NAALADL2: variants seen among roughly 807,000 people sequenced by gnomAD.
NAALADL2 encodes the protein inactive N-acetylated-alpha-linked acidic dipeptidase-like protein 2.
A neutral mutation model predicts 87.2 loss-of-function variants in NAALADL2; 76 were observed. The ratio of observed to expected loss-of-function variants is 0.87; its 90% confidence interval spans 0.72 to 1.05. The LOEUF (loss-of-function observed/expected upper bound fraction) is 1.05. NAALADL2 is among the 50% of genes least tolerant of loss of function. The pLI is 0.00. For missense variants in NAALADL2, 1,089 were observed against 945.8 expected, an observed-to-expected ratio of 1.15 and a Z score of -1.99; for synonymous variants, 354 against 331.0, an observed-to-expected ratio of 1.07 and a Z score of -0.75.
intron 1 of NAALADL2, among the ~76,000 whole-genome samples, chr3:174,924,180 T>A (rs916608242): frequency 6.6e-6 from 1 of 151,560 alleles, no homozygotes; most frequent in African/African-American, 2.4e-5. Flanking sequence ...TCATTTACAT[T>A]AGGTATGTCT....
chr3:174,917,606 T>G (rs1220587778), intron 1 of NAALADL2, among the ~76,000 whole-genome samples: 31 of 152,138 alleles, frequency 2.0e-4, no homozygotes, highest in Admixed American at 1.8e-3. Flanking sequence ...TCTTGCCCAT[T>G]TCAAGTTGTT....
At chr3:174,736,984 A>G (rs921817683) in intron 2 of NAALADL2, among the ~76,000 whole-genome samples, 1 of 152,186 alleles carries the variant, frequency 6.6e-6, no homozygotes, top group African/African-American at 2.4e-5. Context: ...CCAGGTTGCA[A>G]CAATGTTCAA....
At chr3:175,708,808 CTT>C (rs2149993309) in intron 11 of NAALADL2, among the ~76,000 whole-genome samples, 1 of 147,134 alleles carries the variant, frequency 6.8e-6, no homozygotes, top group Non-Finnish European at 1.5e-5. Context: ...TTTCTCCTAC[CTT>C]TTATACCCAG....
At chr3:175,015,922 T>C (rs1279030001) in intron 1 of NAALADL2, among the ~76,000 whole-genome samples, 1 of 152,048 alleles carries the variant, frequency 6.6e-6, no homozygotes. Flanking sequence ...TTAACTTAAT[T>C]GTTAGTTTGT....
intron 4 of NAALADL2, among the ~76,000 whole-genome samples, chr3:175,296,503 C>T (rs1581301394): frequency 6.6e-6 from 1 of 152,220 alleles, no homozygotes; most frequent in African/African-American, 2.4e-5. Context: ...GCTTAAAAGC[C>T]ACCATTATAG....
chr3:174,831,116 C>T (rs1409572890), intron 3 of NAALADL2, among the ~76,000 whole-genome samples: 17 of 151,492 alleles, frequency 1.1e-4, no homozygotes, highest in African/African-American at 3.2e-4. Flanking sequence ...TCCTGCCTAA[C>T]TGCCCTGGCC....
chr3:175,026,974 T>G (rs1480051262), intron 1 of NAALADL2, among the ~76,000 whole-genome samples: 1 of 152,172 alleles, frequency 6.6e-6, no homozygotes, highest in Non-Finnish European at 1.5e-5. Flanking sequence ...ATACTCTGTA[T>G]ATGGCAACAA....
chr3:175,126,422 C>T (rs936477), intron 2 of NAALADL2, among the ~76,000 whole-genome samples: 85,943 of 151,942 alleles, frequency 0.57, 25,180 homozygotes, highest in African/African-American at 0.72. Context: ...TTGGCAATTT[C>T]ACTGATTTAG....
At chr3:175,316,542 T>G (rs890745047) in intron 4 of NAALADL2, among the ~76,000 whole-genome samples, 1 of 152,128 alleles carries the variant, frequency 6.6e-6, no homozygotes, top group African/African-American at 2.4e-5. Context: ...TTTTCAGGAA[T>G]TAGACCCCCA....
At chr3:175,467,615 A>T (rs1724279459) in intron 8 of NAALADL2, among the ~76,000 whole-genome samples, 1 of 152,168 alleles carries the variant, frequency 6.6e-6, no homozygotes, top group African/African-American at 2.4e-5. Context: ...TCTCTCTTCA[A>T]TATGGATATT....
At chr3:174,909,562 A>G (rs1013474542) in intron 1 of NAALADL2, among the ~76,000 whole-genome samples, 2 of 152,118 alleles carry the variant, frequency 1.3e-5, no homozygotes, top group Admixed American at 6.6e-5. Flanking sequence ...CCCTACTCCA[A>G]GATTTCTAAT....
chr3:175,651,682 CTAACCTTGACA>C (rs1730788207), intron 11 of NAALADL2, among the ~76,000 whole-genome samples: 1 of 152,186 alleles, frequency 6.6e-6, no homozygotes, highest in African/African-American at 2.4e-5. Flanking sequence ...ATAATGGAGA[CTAACCTTGACA>C]TAACATATAT....
chr3:174,615,247 A>G (rs1720340333), intron 2 of NAALADL2, among the ~76,000 whole-genome samples: 2 of 152,204 alleles, frequency 1.3e-5, no homozygotes, highest in African/African-American at 2.4e-5. Flanking sequence ...TACTTTTAAG[A>G]AAGACTGGGA....
intron 1 of NAALADL2, among the ~76,000 whole-genome samples, chr3:175,013,741 G>A (rs933025462): frequency 1.3e-5 from 2 of 151,940 alleles, no homozygotes; most frequent in East Asian, 1.9e-4. Flanking sequence ...ATCCAGAAGC[G>A]GCCCTTCTTT....
intron 1 of NAALADL2, among the ~76,000 whole-genome samples, chr3:174,874,431 T>C (rs1728222083): frequency 1.3e-5 from 2 of 152,186 alleles, no homozygotes; most frequent in South Asian, 4.1e-4. Flanking sequence ...TCCTGCCAAA[T>C]TGACAGGTTG....
intron 11 of NAALADL2, among the ~76,000 whole-genome samples, chr3:175,664,310 G>C (rs1732669210): frequency 6.6e-6 from 1 of 152,024 alleles, no homozygotes; most frequent in Non-Finnish European, 1.5e-5. Flanking sequence ...GAACCTTCTA[G>C]CTTTCTCCTG....
intron 5 of NAALADL2, among the ~76,000 whole-genome samples, chr3:175,359,209 A>G (rs1040963543): frequency 2.0e-5 from 3 of 152,250 alleles, no homozygotes; most frequent in Admixed American, 1.3e-4. Context: ...TTGCCAATAT[A>G]CAATCATCAT....
At chr3:175,273,780 G>C (rs1425288305) in intron 4 of NAALADL2, among the ~76,000 whole-genome samples, 1 of 151,548 alleles carries the variant, frequency 6.6e-6, no homozygotes, top group Admixed American at 6.6e-5. Flanking sequence ...TTTTGTTTTA[G>C]ATATACATCT....
intron 1 of NAALADL2, among the ~76,000 whole-genome samples, chr3:175,005,048 C>T (rs561902074): frequency 6.6e-6 from 1 of 152,128 alleles, no homozygotes; most frequent in Non-Finnish European, 1.5e-5. Flanking sequence ...GGTACTTCCT[C>T]TTGCTAAAGT....
Sources: allele counts gnomAD v4.1 joint callset (sites outside exome capture counted in the v4.1 genomes callset), GRCh38; gene constraint gnomAD v4.1.1; transcripts MANE v1.5; gene names NCBI Gene and HGNC (gene_info 2026-07-23, HGNC 2026-07-21).